SBF2: variants seen among roughly 807,000 people sequenced by gnomAD.
The protein encoded by SBF2 is SET binding factor 2, also known as myotubularin-related protein 13.
A neutral mutation model predicts 225.2 loss-of-function variants in SBF2; 112 were observed. That is an observed-to-expected ratio of 0.50 (90% CI 0.43 to 0.58). The LOEUF (loss-of-function observed/expected upper bound fraction) is 0.58. Among genes scored for constraint, SBF2 ranks in the 20% least tolerant of loss-of-function variants. The pLI, the probability that SBF2 is intolerant of heterozygous loss-of-function variation, is 0.00. For missense variants in SBF2, 1,996 were observed against 2,206.2 expected (o/e 0.90, Z 1.91); for synonymous variants, 763 against 773.3 (o/e 0.99, Z 0.22).
At chr11:9,941,883 A>G (rs1359255186) in intron 16 of SBF2, among the ~76,000 whole-genome samples, 1 of 152,226 alleles carries the variant, frequency 6.6e-6, no homozygotes, top group Non-Finnish European at 1.5e-5. Context: ...ACAGAAAAGA[A>G]TATGTGGCAA....
At chr11:10,047,917 T>C (rs1389112748) in intron 2 of SBF2, among the ~76,000 whole-genome samples, 1 of 152,166 alleles carries the variant, frequency 6.6e-6, no homozygotes, top group East Asian at 1.9e-4. Flanking sequence ...TCTCGCCCTC[T>C]CCAAACCAAA....
At chr11:9,802,618 G>T (rs777973165) in intron 32 of SBF2, among the ~76,000 whole-genome samples, 1 of 152,174 alleles carries the variant, frequency 6.6e-6, no homozygotes, top group African/African-American at 2.4e-5. Context: ...GTCCCTGAGA[G>T]ACTGAGGGCA....
chr11:9,808,273 CT>C, intron 31 of SBF2, 88 bp from the exon 32 acceptor site: 1 of 1,145,346 alleles, frequency 8.7e-7, no homozygotes, highest in Non-Finnish European at 1.3e-6. Context: ...CTGATGATAG[CT>C]AATTCACAAA....
intron 22 of SBF2, among the ~76,000 whole-genome samples, chr11:9,848,281 C>T (rs1486767845): frequency 6.6e-6 from 1 of 152,066 alleles, no homozygotes; most frequent in Non-Finnish European, 1.5e-5. Context: ...GATTTAAGTT[C>T]TAGGATGTAT....
intron 27 of SBF2, among the ~76,000 whole-genome samples, chr11:9,829,845 T>C (rs778320389): frequency 2.6e-5 from 4 of 152,206 alleles, no homozygotes; most frequent in Admixed American, 2.6e-4. Flanking sequence ...AAAATGAAGA[T>C]TCATGAACAA....
rs146435122 is a variant in SBF2, at chr11:10,071,976, G to T, written c.142-28995C>A. 2.7e-3 allele frequency among the ~76,000 whole-genome samples: 404 copies of T among 152,256 alleles called. 4 individuals carry two copies. The highest frequency in any genetic ancestry group is 9.3e-3 in the African/African-American group (388 of 41,552). ...TCAAGTTTTTGCCGCCCAACCCAAT[G>T]ATGTGGGGCACTCCACCCTTCACCT... On this transcript the variant is annotated intron_variant, in intron 2 of 39. Coordinates refer to ENST00000256190, the MANE Select transcript of SBF2 (RefSeq NM_030962.4).
At chr11:10,275,173 G>A (rs1745913240) in intron 1 of SBF2, among the ~76,000 whole-genome samples, 1 of 151,970 alleles carries the variant, frequency 6.6e-6, no homozygotes, top group Non-Finnish European at 1.5e-5. Flanking sequence ...TATAGAGAAA[G>A]GAGACCGAGA....
intron 1 of SBF2, among the ~76,000 whole-genome samples, chr11:10,235,077 T>C (rs1174421547): frequency 3.3e-5 from 5 of 152,192 alleles, no homozygotes; most frequent in Non-Finnish European, 7.3e-5. Context: ...ACAAATACCT[T>C]CCTTACGGTA....
exon 1 of SBF2, chr11:10,304,536 G>A (rs1027377784): frequency 3.9e-5 from 6 of 152,176 alleles, no homozygotes; most frequent in African/African-American, 1.4e-4. Flanking sequence ...TGGGGGACTA[G>A]TGAGTCCTGC....
rs550074649 is a variant in SBF2 at position 10,225,870 on chromosome 11, C to G, written c.56-31883G>C. ...GATCTTTTTTAAAAAGAAAAAAGCACTCATATACCCCACAGTTTGAAATAA... is the reference window on the plus strand; with the variant it reads ...GATCTTTTTTAAAAAGAAAAAAGCAGTCATATACCCCACAGTTTGAAATAA... On this transcript the variant is annotated intron_variant, in intron 1 of 39. Coordinates refer to ENST00000256190, the MANE Select transcript of SBF2 (RefSeq NM_030962.4). Among the ~76,000 whole-genome samples the G allele has an allele frequency of 1.8e-4, 28 of 152,168 alleles. 1 individual carries two copies. Among genetic ancestry groups the G allele is most frequent in the African/African-American group, 5.8e-4 (24 of 41,532 alleles).
intron 2 of SBF2, among the ~76,000 whole-genome samples, chr11:10,096,260 G>T (rs974488872): frequency 2.0e-5 from 3 of 151,906 alleles, no homozygotes; most frequent in African/African-American, 7.3e-5. Flanking sequence ...TACAAACAAA[G>T]ATTTAAAATC....
intron 30 of SBF2, among the ~76,000 whole-genome samples, chr11:9,810,033 T>C (rs1171731835): frequency 6.6e-6 from 1 of 152,054 alleles, no homozygotes; most frequent in Non-Finnish European, 1.5e-5. Context: ...TCCCAGCACT[T>C]TGGGAGGTTG....
chr11:10,066,189 A>C (rs1175376383), intron 2 of SBF2, among the ~76,000 whole-genome samples: 3 of 152,066 alleles, frequency 2.0e-5, no homozygotes, highest in Non-Finnish European at 2.9e-5. Flanking sequence ...TTCTAAAAAA[A>C]CGGAAAAATA....
At position 9,856,704 on chromosome 11, in the gene SBF2, T is replaced by C; in HGVS notation, c.2117A>G (p.Asp706Gly). The change falls in exon 19 of 40, where the codon GAC becomes GGC. Residue 706 changes from aspartate (D) to glycine (G), a missense_variant. Coordinates refer to ENST00000256190, the MANE Select transcript of SBF2 (RefSeq NM_030962.4). ...HLKQKDKLPD[D>G]HYQEKTAMDL... ...CATTGCTGTCTTCTCCTGATAATGGTCATCAGGAAGCTTATCCTAAAAAAT... is the reference window on the plus strand; with the variant it reads ...CATTGCTGTCTTCTCCTGATAATGGCCATCAGGAAGCTTATCCTAAAAAAT... The C allele has an allele frequency of 6.2e-7, 1 of 1,613,896 alleles. No individual in the cohort carries two copies. The highest frequency in any genetic ancestry group is 8.5e-7 in the Non-Finnish European group (1 of 1,179,994).
At chr11:9,994,772 C>G (rs1049152537) in intron 9 of SBF2, among the ~76,000 whole-genome samples, 5 of 152,016 alleles carry the variant, frequency 3.3e-5, no homozygotes, top group African/African-American at 1.2e-4. Context: ...TGCAGTGGCT[C>G]ACGCCTGTAA....
chr11:9,885,799 G>C (rs535938391), intron 17 of SBF2, among the ~76,000 whole-genome samples: 1 of 152,178 alleles, frequency 6.6e-6, no homozygotes, highest in African/African-American at 2.4e-5. Flanking sequence ...TGATGGTCCT[G>C]GAATCCTCCT....
intron 2 of SBF2, among the ~76,000 whole-genome samples, chr11:10,057,801 A>C (rs1183956209): frequency 6.6e-6 from 1 of 152,194 alleles, no homozygotes; most frequent in Non-Finnish European, 1.5e-5. Flanking sequence ...CTGTGAGGAA[A>C]CATAGGGAAG....
rs766293143 is a variant in SBF2 at position 9,998,390 on chromosome 11, T to TA, written c.862-12dup. 8.4e-6 allele frequency: 12 copies of TA among 1,420,846 alleles called. No homozygotes were observed. The highest frequency in any genetic ancestry group is 4.2e-5 in the African/African-American group (3 of 70,982). The allele number at this position is 1,420,846 out of a possible 1,614,324, so 88.0% of individuals were successfully genotyped here. A position where few individuals can be genotyped will look rare whatever the true frequency, so the allele number is the denominator to read the frequency against. ...TATGATTACATCTAACTGAAAGAGA[T>TA]AAAAAAATTAACCTATAATTACCAA... On this transcript the variant is annotated splice_polypyrimidine_tract_variant and intron_variant, in intron 8 of 39. Transcript: ENST00000256190.
At chr11:10,256,037 C>A (rs1346193982) in intron 1 of SBF2, among the ~76,000 whole-genome samples, 1 of 152,188 alleles carries the variant, frequency 6.6e-6, no homozygotes, top group African/African-American at 2.4e-5. Context: ...GAGATGGGCT[C>A]TTTCCAATTG....
Sources: allele counts gnomAD v4.1 joint callset (sites outside exome capture counted in the v4.1 genomes callset), GRCh38; gene constraint gnomAD v4.1.1; transcripts MANE v1.5; gene names NCBI Gene and HGNC (gene_info 2026-07-23, HGNC 2026-07-21).